MAML1: variants seen among roughly 807,000 people sequenced by gnomAD.
The protein encoded by MAML1 is mastermind like transcriptional coactivator 1.
MAML1 carries 14 observed loss-of-function variants against 77.1 expected under a neutral mutation model. The ratio of observed to expected loss-of-function variants is 0.18; its 90% CI spans 0.12 to 0.28. The LOEUF (loss-of-function observed/expected upper bound fraction) is 0.28. Among genes scored for constraint, MAML1 ranks in the 10% least tolerant of loss-of-function variants. The probability of loss-of-function intolerance (pLI) is 1.00; values close to 1 mark genes in which losing one functional copy is unlikely to be tolerated. For missense variants in MAML1, 1,217 were observed against 1,327.8 expected (o/e 0.92, Z 1.30); for synonymous variants, 516 against 551.9 (o/e 0.93, Z 0.91).
chr5:179,773,852 T>G, intron 4 of MAML1, 43 bp from the exon 5 acceptor site: 1 of 1,572,608 alleles, frequency 6.4e-7, no homozygotes, highest in Non-Finnish European at 8.6e-7. Flanking sequence ...AGGGACCCAG[T>G]GGTGGTCGAC....
intron 1 of MAML1, among the ~76,000 whole-genome samples, chr5:179,752,611 T>TG (rs1779517195): frequency 7.6e-6 from 1 of 132,148 alleles, no homozygotes; most frequent in African/African-American, 2.8e-5. Context: ...TTTTTTTTTT[T>TG]TTTTTTTTTT....
At position 179,771,582 on chromosome 5, in the gene MAML1, A is replaced by G. The variant is rs75800558; in HGVS notation, c.2068+339A>G. Reference sequence around the variant, plus strand: ...TTGCTTCTGCTTTTATGTGTCTTCAAAAAATGACTCCTATCTTCCAGATAA... The same window carrying G: ...TTGCTTCTGCTTTTATGTGTCTTCAGAAAATGACTCCTATCTTCCAGATAA... On this transcript the variant is annotated intron_variant, in intron 4 of 4. Transcript: ENST00000292599. This position sits in a 1 kb window ranked among gnomAD's most constrained non-coding sequence, Gnocchi z 4.7. Among the ~76,000 whole-genome samples, 620 of 152,338 alleles carry G rather than the reference A, an allele frequency of 4.1e-3. 7 individuals carry two copies. The highest frequency in any genetic ancestry group is 0.014 in the African/African-American group (598 of 41,564).
chr5:179,763,503 A>T (rs1301721151), intron 1 of MAML1, among the ~76,000 whole-genome samples: 1 of 151,896 alleles, frequency 6.6e-6, no homozygotes, highest in African/African-American at 2.4e-5. Flanking sequence ...ATGGATTTTT[A>T]AAAATACTGA....
At position 179,777,101 on chromosome 5, in the gene MAML1, G is replaced by A; in HGVS notation, c.*2224G>A. 1.0e-6 allele frequency: 1 copy of A among 985,552 alleles called. No homozygotes were observed. The allele number at this position is 985,552 out of a possible 1,614,324, so 61.1% of individuals were successfully genotyped here. On this transcript the variant is annotated 3_prime_UTR_variant, in exon 5 of 5. Coordinates refer to ENST00000292599, the MANE Select transcript of MAML1 (RefSeq NM_014757.5). ...TCCTTTATATGTGTGTTTTGGGGGA[G>A]CTATGATAAGTTTTATGGCAAACGG... is the stretch of plus-strand genomic sequence containing the variant.
chr5:179,758,678 C>T (rs1388639197), intron 1 of MAML1, among the ~76,000 whole-genome samples: 2 of 152,074 alleles, frequency 1.3e-5, no homozygotes, highest in African/African-American at 4.8e-5. Context: ...GCGTGAGCCA[C>T]CACACCCGAC....
intron 1 of MAML1, among the ~76,000 whole-genome samples, chr5:179,753,952 G>A (rs933200780): frequency 5.9e-5 from 9 of 151,926 alleles, no homozygotes; most frequent in East Asian, 2.0e-4. Flanking sequence ...GATTACAGGC[G>A]TGGGCCACCT....
chr5:179,756,853 G>T (rs1180920486), intron 1 of MAML1, among the ~76,000 whole-genome samples: 1 of 152,142 alleles, frequency 6.6e-6, no homozygotes, highest in Non-Finnish European at 1.5e-5. Flanking sequence ...TCATCGGAGA[G>T]GACAAGGATT....
At chr5:179,770,759 G>T (rs994464990) in intron 3 of MAML1, among the ~76,000 whole-genome samples, 5 of 152,188 alleles carry the variant, frequency 3.3e-5, no homozygotes, top group African/African-American at 1.2e-4. Flanking sequence ...GGAACTGTCA[G>T]ACTGTTTCCC....
At chr5:179,745,723 G>C (rs1411045650) in intron 1 of MAML1, among the ~76,000 whole-genome samples, 2 of 151,932 alleles carry the variant, frequency 1.3e-5, no homozygotes, top group Non-Finnish European at 2.9e-5. Context: ...AGCCAGGCGT[G>C]GTGGCGGGCG....
intron 1 of MAML1, among the ~76,000 whole-genome samples, chr5:179,735,833 G>A (rs1779157451): frequency 1.3e-5 from 2 of 151,670 alleles, no homozygotes; most frequent in African/African-American, 4.8e-5. Context: ...GATTACAGGC[G>A]CACACTACCA....
intron 1 of MAML1, among the ~76,000 whole-genome samples, chr5:179,750,730 G>A (rs1779472161): frequency 6.6e-6 from 1 of 152,160 alleles, no homozygotes; most frequent in Non-Finnish European, 1.5e-5. Flanking sequence ...CCAAAGTGCT[G>A]GGATTACAGG....
intron 1 of MAML1, among the ~76,000 whole-genome samples, chr5:179,755,026 T>G (rs1408395430): frequency 6.6e-6 from 1 of 152,102 alleles, no homozygotes; most frequent in African/African-American, 2.4e-5. Context: ...GGTTTTGAGG[T>G]GAAAGAGAGG....
intron 2 of MAML1, among the ~76,000 whole-genome samples, chr5:179,767,209 C>T (rs1333935554): frequency 6.6e-6 from 1 of 151,038 alleles, no homozygotes; most frequent in South Asian, 2.1e-4. Flanking sequence ...CACAGCTCAG[C>T]TCTGTGCTTA....
rs749651008 is a variant in MAML1 at position 179,767,018 on chromosome 5, G to A, written c.1731+277G>A. Among the ~76,000 whole-genome samples the A allele has an allele frequency of 3.3e-5, 5 of 151,656 alleles. No individual in the cohort carries two copies. The East Asian group carries it at 5.8e-4, about 18-fold the overall frequency. ...TTTAGTCCACTGTCTCTTTCGTGCC[G>A]TAGGATTTAAATTAAGTAATTTGCG... On this transcript the variant is annotated intron_variant, in intron 2 of 4. Transcript: ENST00000292599.
chr5:179,773,781 G>A (rs776305909), intron 4 of MAML1, 114 bp from the exon 5 acceptor site: 391 of 1,503,740 alleles, frequency 2.6e-4, no homozygotes, highest in African/African-American at 3.6e-4. Flanking sequence ...CATGGCCCCC[G>A]GGGCCCTCTT....
At chr5:179,760,202 T>C (rs1278531127) in intron 1 of MAML1, among the ~76,000 whole-genome samples, 1 of 152,092 alleles carries the variant, frequency 6.6e-6, no homozygotes, top group Non-Finnish European at 1.5e-5. Flanking sequence ...ACTTATCAAG[T>C]GCTGGGCACT....
chr5:179,745,074 T>G (rs553064594), intron 1 of MAML1, among the ~76,000 whole-genome samples: 2 of 151,954 alleles, frequency 1.3e-5, no homozygotes, highest in East Asian at 3.9e-4. Context: ...GCTAATTTTG[T>G]TTTTGTATTT....
intron 1 of MAML1, among the ~76,000 whole-genome samples, chr5:179,736,788 C>T (rs1779178824): frequency 6.6e-6 from 1 of 151,438 alleles, no homozygotes; most frequent in Non-Finnish European, 1.5e-5. Context: ...ATGGTGAAAC[C>T]CCGTCTCTAC....
At chr5:179,734,214 A>C (rs1188066811) in intron 1 of MAML1, among the ~76,000 whole-genome samples, 1 of 152,200 alleles carries the variant, frequency 6.6e-6, no homozygotes, top group Non-Finnish European at 1.5e-5. Flanking sequence ...TGGGGATTTT[A>C]GTTTAAAACC....
Sources: gnomAD v4.1 joint callset for allele counts (sites outside exome capture counted in the v4.1 genomes callset) on GRCh38, gnomAD v4.1.1 for gene constraint, Gnocchi (gnomAD v3.1) non-coding constraint, MANE v1.5 for transcripts, NCBI Gene and HGNC (gene_info 2026-07-23, HGNC 2026-07-21) for gene names.